The following SLC35F4 variants were observed in gnomAD, a reference collection of about 807,000 sequenced individuals.
The protein encoded by SLC35F4 is solute carrier family 35 member F4, also known as chromosome 14 open reading frame 36.
Under a neutral mutation model 44.2 loss-of-function variants are expected in SLC35F4, and 24 were observed. That is an observed-to-expected ratio of 0.54 (90% confidence interval 0.39 to 0.76). SLC35F4 has a LOEUF of 0.76. SLC35F4 is among the 30% of genes least tolerant of loss of function. The pLI, the probability that SLC35F4 is intolerant of heterozygous loss-of-function variation, is 0.00. For missense variants in SLC35F4, 562 were observed against 586.1 expected (o/e 0.96, Z 0.42); for synonymous variants, 238 against 223.6 (o/e 1.06, Z -0.57).
intron 1 of SLC35F4, among the ~76,000 whole-genome samples, chr14:57,950,953 C>T (rs1890128350): frequency 6.6e-6 from 1 of 152,096 alleles, no homozygotes; most frequent in Non-Finnish European, 1.5e-5. Flanking sequence ...GCACGAGCCA[C>T]CACGCCCGGC....
intron 1 of SLC35F4, among the ~76,000 whole-genome samples, chr14:57,918,161 G>A (rs1463843082): frequency 2.0e-5 from 3 of 152,180 alleles, no homozygotes; most frequent in East Asian, 1.9e-4. Flanking sequence ...CCAGAAGCAT[G>A]AGAGGATTTT....
At chr14:57,906,774 T>C (rs1225991948) in intron 1 of SLC35F4, among the ~76,000 whole-genome samples, 5 of 152,224 alleles carry the variant, frequency 3.3e-5, no homozygotes, top group African/African-American at 1.2e-4. Context: ...TGTGTCATGA[T>C]AAAAATTATA....
At chr14:57,787,539 C>A (rs1441218478) in intron 1 of SLC35F4, among the ~76,000 whole-genome samples, 2 of 152,142 alleles carry the variant, frequency 1.3e-5, no homozygotes, top group Non-Finnish European at 2.9e-5. Flanking sequence ...AAAGAAAAAC[C>A]TATCAGATTA....
At chr14:57,725,961 G>A (rs1489517619) in intron 1 of SLC35F4, among the ~76,000 whole-genome samples, 1 of 152,142 alleles carries the variant, frequency 6.6e-6, no homozygotes, top group African/African-American at 2.4e-5. Context: ...TCCAGAGGGA[G>A]GAACACTGCC....
At chr14:57,763,652 C>G (rs547299805) in intron 1 of SLC35F4, among the ~76,000 whole-genome samples, 10 of 152,258 alleles carry the variant, frequency 6.6e-5, no homozygotes, top group African/African-American at 2.4e-4. Context: ...TAGTTAATAT[C>G]ATTAATGTTT....
chr14:57,711,921 T>C (rs2075826712), intron 1 of SLC35F4, among the ~76,000 whole-genome samples: 1 of 152,234 alleles, frequency 6.6e-6, no homozygotes, highest in Non-Finnish European at 1.5e-5. Flanking sequence ...TTATTTACCA[T>C]AATGCCAGGA....
At chr14:57,633,579 C>G (rs1156276876) in intron 1 of SLC35F4, among the ~76,000 whole-genome samples, 1 of 151,916 alleles carries the variant, frequency 6.6e-6, no homozygotes, top group Non-Finnish European at 1.5e-5. Context: ...TCCCATGTAC[C>G]CTTCACCCAG....
intron 1 of SLC35F4, among the ~76,000 whole-genome samples, chr14:57,656,143 C>A (rs17093515): frequency 0.026 from 3,905 of 152,110 alleles, 156 homozygotes; most frequent in African/African-American, 0.088. Context: ...CCCTGCCAGC[C>A]CCATCTTCTA....
At chr14:57,833,819 A>G (rs1884635665) in intron 1 of SLC35F4, among the ~76,000 whole-genome samples, 1 of 152,238 alleles carries the variant, frequency 6.6e-6, no homozygotes, top group Non-Finnish European at 1.5e-5. Flanking sequence ...TTGCATTTTC[A>G]TATATTCACA....
intron 1 of SLC35F4, among the ~76,000 whole-genome samples, chr14:57,902,411 A>C (rs552315114): frequency 7.7e-4 from 117 of 152,142 alleles, no homozygotes; most frequent in Non-Finnish European, 1.5e-3. Context: ...TAAAACTTCA[A>C]AATTAGCCAG....
At chr14:57,897,645 G>A (rs954936920) in intron 1 of SLC35F4, among the ~76,000 whole-genome samples, 1 of 151,976 alleles carries the variant, frequency 6.6e-6, no homozygotes, top group East Asian at 1.9e-4. Context: ...CTTAGTCCAC[G>A]AAAGAGATGG....
rs572223532 is a variant in SLC35F4 at position 57,723,844 on chromosome 14, T to C, written c.104-129720A>G. Reference sequence around the variant, plus strand: ...TTGATGATATTATGCTGATTGGATCTAGTGAGCAAGAAGTAGCAAACACAC... The same window carrying C: ...TTGATGATATTATGCTGATTGGATCCAGTGAGCAAGAAGTAGCAAACACAC... On this transcript the variant is annotated intron_variant, in intron 1 of 7. Transcript: ENST00000556826. Among the ~76,000 whole-genome samples, 4 of 152,344 alleles carry C rather than the reference T, an allele frequency of 2.6e-5. No homozygotes were observed. In the South Asian group the frequency reaches 6.2e-4, roughly 24 times the overall value.
At chr14:57,776,882 C>T (rs2077503012) in intron 1 of SLC35F4, among the ~76,000 whole-genome samples, 1 of 152,046 alleles carries the variant, frequency 6.6e-6, no homozygotes, top group South Asian at 2.1e-4. Flanking sequence ...GAAATAAGAT[C>T]CTTTTCAGAC....
chr14:57,780,278 T>C (rs1044979863), intron 1 of SLC35F4, among the ~76,000 whole-genome samples: 1 of 152,156 alleles, frequency 6.6e-6, no homozygotes, highest in African/African-American at 2.4e-5. Context: ...TTAGCATTCC[T>C]ATACACCAAC....
chr14:57,691,014 T>G (rs2075216993), intron 1 of SLC35F4, among the ~76,000 whole-genome samples: 1 of 152,158 alleles, frequency 6.6e-6, no homozygotes, highest in Non-Finnish European at 1.5e-5. Flanking sequence ...TGGTATCGGT[T>G]TGTGGCCTGG....
chr14:57,757,565 G>T (rs528584524), intron 1 of SLC35F4, among the ~76,000 whole-genome samples: 1 of 151,836 alleles, frequency 6.6e-6, no homozygotes, highest in African/African-American at 2.4e-5. Context: ...AGTTTCTTTA[G>T]AGTTCATGGT....
intron 1 of SLC35F4, among the ~76,000 whole-genome samples, chr14:57,853,184 A>C (rs1420382520): frequency 6.6e-6 from 1 of 152,220 alleles, no homozygotes; most frequent in African/African-American, 2.4e-5. Context: ...CTGCAGTGCT[A>C]GATGGGCACT....
intron 1 of SLC35F4, among the ~76,000 whole-genome samples, chr14:57,628,334 A>G (rs2072578953): frequency 7.0e-6 from 1 of 142,016 alleles, no homozygotes; most frequent in Admixed American, 7.5e-5. Flanking sequence ...GTTCTGGGGT[A>G]CATGTGCAAA....
chr14:57,607,987 A>G (rs945571168), intron 1 of SLC35F4, among the ~76,000 whole-genome samples: 12 of 152,186 alleles, frequency 7.9e-5, no homozygotes, highest in African/African-American at 1.4e-4. Flanking sequence ...ACAGAGCTAG[A>G]AGGAGGACCT....
Sources: allele counts gnomAD v4.1 joint callset (sites outside exome capture counted in the v4.1 genomes callset), GRCh38; gene constraint gnomAD v4.1.1; transcripts MANE v1.5; gene names NCBI Gene and HGNC (gene_info 2026-07-23, HGNC 2026-07-21).